GRM7: variants seen among roughly 807,000 people sequenced by gnomAD.
GRM7 encodes metabotropic glutamate receptor 7.
A neutral mutation model predicts 84.5 loss-of-function variants in GRM7; 35 were observed. That is an observed-to-expected ratio of 0.41 (90% confidence interval 0.32 to 0.55). The LOEUF (loss-of-function observed/expected upper bound fraction) is 0.55. GRM7 is among the 20% of genes least tolerant of loss of function. The pLI, the probability that GRM7 is intolerant of heterozygous loss-of-function variation, is 0.19. For synonymous variants in GRM7, 487 were observed against 455.1 expected (o/e 1.07, Z -0.89); for missense variants, 1,003 against 1,194.6 (o/e 0.84, Z 2.36).
intron 1 of GRM7, among the ~76,000 whole-genome samples, chr3:6,881,851 G>A (rs563980940): frequency 6.6e-6 from 1 of 152,168 alleles, no homozygotes; most frequent in African/African-American, 2.4e-5. Context: ...ACAATCTGGA[G>A]GGGCTAAAAA....
chr3:6,987,060 T>C (rs891876685), intron 1 of GRM7, among the ~76,000 whole-genome samples: 2 of 152,210 alleles, frequency 1.3e-5, no homozygotes, highest in African/African-American at 4.8e-5. Context: ...AATCCCTTTC[T>C]TGCCTAGTTT....
At chr3:7,318,881 T>G (rs899092210) in intron 4 of GRM7, among the ~76,000 whole-genome samples, 5 of 152,074 alleles carry the variant, frequency 3.3e-5, no homozygotes, top group African/African-American at 1.2e-4. Context: ...CTCCATCCTC[T>G]TTAATATTGC....
chr3:6,863,418 C>G lies in GRM7; in HGVS notation c.519+1511C>G, dbSNP rs566448947. 4.8e-4 allele frequency among the ~76,000 whole-genome samples: 73 copies of G among 152,314 alleles called. No individual in the cohort carries two copies. The South Asian group carries it at 0.013, about 28-fold the overall frequency. On this transcript the variant is annotated intron_variant, in intron 1 of 9. Coordinates refer to ENST00000357716, the MANE Select transcript of GRM7 (RefSeq NM_000844.4). The surrounding 1 kb of genome is among the most constrained non-coding windows in gnomAD (Gnocchi z 4.8). ...CTCTGTGAGACCCAGGCTGTCATCA[C>G]ATCACCTCCAGGAGTGTGAAGTTTG...
rs559634188 is a variant in GRM7 at position 7,014,594 on chromosome 3, A to T, written c.520-131858A>T. On this transcript the variant is annotated intron_variant, in intron 1 of 9. Coordinates refer to ENST00000357716, the MANE Select transcript of GRM7 (RefSeq NM_000844.4). ...GCTTCCCAAAGTGCTGGGATTACAG[A>T]TGTGAGCCACCACACCTGGCCATAA... Among the ~76,000 whole-genome samples the T allele has an allele frequency of 3.3e-5, 5 of 152,210 alleles. No individual in the cohort carries two copies. The South Asian group carries it at 1.0e-3, about 32-fold the overall frequency.
In GRM7 at chr3:7,506,195, C is replaced by T. The variant is rs539580299; in HGVS notation, c.1515+44473C>T. 3.9e-5 allele frequency among the ~76,000 whole-genome samples: 6 copies of T among 152,250 alleles called. No homozygotes were observed. The South Asian group carries it at 1.2e-3, about 32-fold the overall frequency. On this transcript the variant is annotated intron_variant, in intron 7 of 9. Coordinates refer to ENST00000357716, the MANE Select transcript of GRM7 (RefSeq NM_000844.4). The stretch of plus-strand genomic sequence containing the variant: ...GGCACAGTTCATTGTTACCTAATAA[C>T]AAGGTGGAGGAGGGGGTCTTAATTC...
At chr3:7,107,844 T>G (rs1481874372) in intron 1 of GRM7, among the ~76,000 whole-genome samples, 1 of 152,076 alleles carries the variant, frequency 6.6e-6, no homozygotes, top group Non-Finnish European at 1.5e-5. Context: ...TAGAAGTTAC[T>G]TGGCCTTTTA....
intron 2 of GRM7, among the ~76,000 whole-genome samples, chr3:7,251,091 A>T (rs1697967545): frequency 6.6e-6 from 1 of 152,178 alleles, no homozygotes; most frequent in South Asian, 2.1e-4. Context: ...AGTGTATTCT[A>T]AGGCTTGGTA....
intron 8 of GRM7, among the ~76,000 whole-genome samples, chr3:7,667,860 CA>C (rs61182264): frequency 0.52 from 66,445 of 128,332 alleles, 16,280 homozygotes; most frequent in East Asian, 0.82. Context: ...AGATTTATGT[CA>C]AAAAAAAAAA....
chr3:7,731,223 A>C (rs1046938100), intron 9 of GRM7, among the ~76,000 whole-genome samples: 3 of 152,310 alleles, frequency 2.0e-5, no homozygotes, highest in South Asian at 2.1e-4. Flanking sequence ...CTGTGGCTGA[A>C]AAGTTACAAA....
chr3:6,975,134 A>G (rs1553602939), intron 1 of GRM7, among the ~76,000 whole-genome samples: 1 of 152,120 alleles, frequency 6.6e-6, no homozygotes, highest in Non-Finnish European at 1.5e-5. Context: ...AGATGCGTGG[A>G]GGTAAGTAGC....
At position 7,083,145 on chromosome 3, in the gene GRM7, A is replaced by C. The variant is rs547663110; in HGVS notation, c.520-63307A>C. On this transcript the variant is annotated intron_variant, in intron 1 of 9. Coordinates refer to ENST00000357716, the MANE Select transcript of GRM7 (RefSeq NM_000844.4). ...AAACAGCATTGCATGCTACAGAGAAATCTTTTGTGAAAGGAAGACTTCACT... is the reference window on the plus strand; with the variant it reads ...AAACAGCATTGCATGCTACAGAGAACTCTTTTGTGAAAGGAAGACTTCACT... 6.6e-5 allele frequency among the ~76,000 whole-genome samples: 10 copies of C among 152,268 alleles called. No individual in the cohort carries two copies. The South Asian group carries it at 2.1e-3, about 32-fold the overall frequency.
intron 5 of GRM7, among the ~76,000 whole-genome samples, chr3:7,432,046 A>G (rs937918660): frequency 3.9e-5 from 6 of 152,180 alleles, no homozygotes; most frequent in Admixed American, 6.5e-5. Context: ...ACAAGCTACA[A>G]GGTAGAGTTG....
intron 9 of GRM7, among the ~76,000 whole-genome samples, chr3:7,685,482 C>G (rs1700544819): frequency 6.6e-6 from 1 of 152,172 alleles, no homozygotes; most frequent in South Asian, 2.1e-4. Context: ...AGGGACACAC[C>G]CTTTTTTTTG....
At chr3:7,167,939 A>G (rs1297926777) in intron 2 of GRM7, among the ~76,000 whole-genome samples, 1 of 126,068 alleles carries the variant, frequency 7.9e-6, no homozygotes, top group Non-Finnish European at 1.6e-5. Flanking sequence ...ACTGCACTCT[A>G]GTCTAGCCTG....
rs541968481 is a variant in GRM7, at chr3:7,182,979, A to G, written c.736+36311A>G. Among the ~76,000 whole-genome samples the G allele has an allele frequency of 2.1e-4, 32 of 150,416 alleles. No homozygotes were observed. The East Asian group carries it at 6.1e-3, about 29-fold the overall frequency. ...TTGAGCAGACTATACTCATAATGCA[A>G]CTCATCACAGCATGGTGAGTACAGA... is the stretch of plus-strand genomic sequence containing the variant. On this transcript the variant is annotated intron_variant, in intron 2 of 9. Coordinates refer to ENST00000357716, the MANE Select transcript of GRM7 (RefSeq NM_000844.4).
intron 7 of GRM7, among the ~76,000 whole-genome samples, chr3:7,513,039 A>G (rs1700265824): frequency 6.6e-6 from 1 of 152,234 alleles, no homozygotes; most frequent in African/African-American, 2.4e-5. Context: ...GTACCTGGAG[A>G]AAATAAATGA....
chr3:7,601,366 A>G (rs1241010245), intron 8 of GRM7, among the ~76,000 whole-genome samples: 1 of 152,088 alleles, frequency 6.6e-6, no homozygotes, highest in Non-Finnish European at 1.5e-5. Context: ...GAACCTCTAC[A>G]TTAGACCATA....
intron 9 of GRM7, 115 bp from the exon 10 acceptor site, chr3:7,740,242 C>A: frequency 3.0e-6 from 2 of 669,352 alleles, no homozygotes; most frequent in South Asian, 4.0e-5. Context: ...GTGTGTTCTT[C>A]AGAGCTGTAT....
intron 1 of GRM7, among the ~76,000 whole-genome samples, chr3:6,985,552 A>G (rs1450792663): frequency 6.6e-6 from 1 of 152,182 alleles, no homozygotes; most frequent in Non-Finnish European, 1.5e-5. Context: ...GCTTGCAGGT[A>G]TGCCTGATGG....
Sources: allele counts gnomAD v4.1 joint callset (sites outside exome capture counted in the v4.1 genomes callset), GRCh38; gene constraint gnomAD v4.1.1; non-coding constraint Gnocchi (gnomAD v3.1); transcripts MANE v1.5; gene names NCBI Gene and HGNC (gene_info 2026-07-23, HGNC 2026-07-21).